CACNG5: variants seen among roughly 807,000 people sequenced by gnomAD.
CACNG5 encodes the protein calcium voltage-gated channel auxiliary subunit gamma 5, also known as voltage-dependent calcium channel gamma-5 subunit.
A neutral mutation model predicts 24.8 loss-of-function variants in CACNG5; 18 were observed. The observed-to-expected ratio is 0.73, with a 90% CI of 0.50 to 1.08. CACNG5 has a LOEUF of 1.08. CACNG5 is among the 50% of genes least tolerant of loss of function. The pLI is 0.00. For missense variants in CACNG5, 349 were observed against 367.9 expected (o/e 0.95, Z 0.42); for synonymous variants, 157 against 149.1 (o/e 1.05, Z -0.39).
chr17:66,856,698 T>A (rs1201477231), intron 1 of CACNG5, among the ~76,000 whole-genome samples: 1 of 152,056 alleles, frequency 6.6e-6, no homozygotes, highest in Non-Finnish European at 1.5e-5. Flanking sequence ...CATGCCACCA[T>A]GCCTGGCTAC....
At position 66,870,493 on chromosome 17, in the gene CACNG5, C is replaced by A. The variant is rs560166651; in HGVS notation, c.-103-6737C>A. ...GCTAAGGATGCTATAAAACAACCTT[C>A]AATGCACGTGATAGCCCCCAGCAAC... On this transcript the variant is annotated intron_variant, in intron 1 of 5. Transcript: ENST00000533854. 5.3e-5 allele frequency among the ~76,000 whole-genome samples: 8 copies of A among 152,318 alleles called. No homozygotes were observed. In the South Asian group the frequency reaches 1.7e-3, roughly 32 times the overall value.
intron 2 of CACNG5, among the ~76,000 whole-genome samples, chr17:66,877,822 A>C (rs1357123624): frequency 6.6e-6 from 1 of 152,232 alleles, no homozygotes; most frequent in Non-Finnish European, 1.5e-5. Flanking sequence ...TGCCAATGAC[A>C]CTGCACAGAT....
At chr17:66,878,878 G>T in intron 2 of CACNG5, 94 bp from the exon 3 acceptor site, 1 of 1,057,266 alleles carries the variant, frequency 9.5e-7, no homozygotes. Context: ...GCAGGTCAAA[G>T]ATCCTAAAAA....
At chr17:66,846,638 T>C (rs1976641478) in intron 1 of CACNG5, among the ~76,000 whole-genome samples, 1 of 152,234 alleles carries the variant, frequency 6.6e-6, no homozygotes, top group Non-Finnish European at 1.5e-5. Flanking sequence ...TGAAATGGAA[T>C]ATTATCTCGC....
At chr17:66,852,107 C>T (rs58938632) in intron 1 of CACNG5, among the ~76,000 whole-genome samples, 35,627 of 152,162 alleles carry the variant, frequency 0.23, 4,527 homozygotes, top group South Asian at 0.41. Context: ...TGCTTTCTTT[C>T]CCCTGGAGGT....
At chr17:66,841,217 C>T (rs1976563133) in intron 1 of CACNG5, among the ~76,000 whole-genome samples, 1 of 152,142 alleles carries the variant, frequency 6.6e-6, no homozygotes, top group Non-Finnish European at 1.5e-5. Context: ...ATGGAGGGGG[C>T]TTCCAGGTCA....
intron 4 of CACNG5, among the ~76,000 whole-genome samples, chr17:66,884,076 G>T (rs1424959440): frequency 6.6e-6 from 1 of 151,236 alleles, no homozygotes; most frequent in Non-Finnish European, 1.5e-5. Flanking sequence ...AGGTTGCAGT[G>T]AGCCGAGATC....
chr17:66,887,256 T>C lies in CACNG5; in HGVS notation c.*2016T>C, dbSNP rs1977274728. Among the ~76,000 whole-genome samples the C allele has an allele frequency of 6.6e-6, 1 of 152,142 alleles. No individual in the cohort carries two copies. Among genetic ancestry groups the C allele is most frequent in the African/African-American group, 2.4e-5 (1 of 41,442 alleles). On this transcript the variant is annotated 3_prime_UTR_variant, in exon 6 of 6. Coordinates refer to ENST00000533854, the MANE Select transcript of CACNG5 (RefSeq NM_145811.3). The stretch of plus-strand genomic sequence containing the variant: ...CACCACGAATCCTTGGGCAACACCC[T>C]TCCACTCTGAGGGGCTTGGCCTAAA...
intron 1 of CACNG5, among the ~76,000 whole-genome samples, chr17:66,852,598 T>A (rs1450815054): frequency 6.6e-6 from 1 of 152,198 alleles, no homozygotes; most frequent in Non-Finnish European, 1.5e-5. Context: ...AATTAGTATA[T>A]AATGAAATGT....
intron 1 of CACNG5, among the ~76,000 whole-genome samples, chr17:66,848,036 A>T (rs1453878008): frequency 6.6e-6 from 1 of 151,992 alleles, no homozygotes; most frequent in Admixed American, 6.6e-5. Context: ...GAAGGGTGGG[A>T]TTTGCTCTGT....
At chr17:66,870,501 G>A (rs934822513) in intron 1 of CACNG5, among the ~76,000 whole-genome samples, 5 of 152,178 alleles carry the variant, frequency 3.3e-5, no homozygotes, top group Non-Finnish European at 2.9e-5. Flanking sequence ...TTCAATGCAC[G>A]TGATAGCCCC....
intron 2 of CACNG5, among the ~76,000 whole-genome samples, chr17:66,877,946 T>C (rs1977106601): frequency 1.3e-5 from 2 of 152,220 alleles, no homozygotes; most frequent in Non-Finnish European, 2.9e-5. Flanking sequence ...GAAATGAAGA[T>C]TCAAAGAGGT....
chr17:66,876,419 C>T (rs1052208460), intron 1 of CACNG5, among the ~76,000 whole-genome samples: 13 of 152,354 alleles, frequency 8.5e-5, no homozygotes, highest in African/African-American at 2.9e-4. Context: ...TGTTTTCCAG[C>T]TCCAAGTCCA....
intron 2 of CACNG5, among the ~76,000 whole-genome samples, chr17:66,878,303 T>G (rs1977112211): frequency 6.6e-6 from 1 of 152,246 alleles, no homozygotes; most frequent in Non-Finnish European, 1.5e-5. Context: ...GGGCTTTTCT[T>G]GGTAGGGGCT....
At chr17:66,856,611 G>A (rs560681355) in intron 1 of CACNG5, among the ~76,000 whole-genome samples, 10 of 148,190 alleles carry the variant, frequency 6.7e-5, no homozygotes, top group East Asian at 4.1e-4. Context: ...GCGCTATCTC[G>A]GCTCACTGCA....
In CACNG5 at chr17:66,890,839, T is replaced by C. The variant is rs1184904196; in HGVS notation, c.*5599T>C. Among the ~76,000 whole-genome samples the C allele has an allele frequency of 6.6e-6, 1 of 152,106 alleles. No homozygotes were observed. Among genetic ancestry groups the C allele is most frequent in the Non-Finnish European group, 1.5e-5 (1 of 68,014 alleles). On this transcript the variant is annotated 3_prime_UTR_variant, in exon 6 of 6. Coordinates refer to ENST00000533854, the MANE Select transcript of CACNG5 (RefSeq NM_145811.3). ...GAGGCTGTAAGTTTTACAAGCAAAA[T>C]GCAACCAAGCTCAAGTAGTAGACTC...
chr17:66,858,453 G>A (rs935657030), intron 1 of CACNG5, among the ~76,000 whole-genome samples: 1 of 152,184 alleles, frequency 6.6e-6, no homozygotes, highest in Non-Finnish European at 1.5e-5. Context: ...TCCTCAACTC[G>A]CAGGACTAAC....
intron 1 of CACNG5, among the ~76,000 whole-genome samples, chr17:66,845,045 A>G (rs1250364979): frequency 6.6e-6 from 1 of 152,226 alleles, no homozygotes. Context: ...AACCAACCCA[A>G]ATGCCTATCA....
chr17:66,869,794 T>C (rs1474551272), intron 1 of CACNG5, among the ~76,000 whole-genome samples: 1 of 152,146 alleles, frequency 6.6e-6, no homozygotes, highest in Non-Finnish European at 1.5e-5. Flanking sequence ...TGAAACGTAA[T>C]GGTATAAGGC....
Sources: allele counts gnomAD v4.1 joint callset (sites outside exome capture counted in the v4.1 genomes callset), GRCh38; gene constraint gnomAD v4.1.1; transcripts MANE v1.5; gene names NCBI Gene and HGNC (gene_info 2026-07-23, HGNC 2026-07-21).